Variants in RAET1G observed in about 807,000 individuals in gnomAD.
RAET1G encodes the protein UL-16 binding protein 5.
Under a neutral mutation model 29.5 loss-of-function variants are expected in RAET1G, and 25 were observed. The ratio of observed to expected loss-of-function variants is 0.85; its 90% confidence interval spans 0.62 to 1.18. The LOEUF is 1.18. RAET1G is among the 50% of genes most tolerant of loss of function. The probability of loss-of-function intolerance (pLI) is 0.00; values close to 1 mark genes in which losing one functional copy is unlikely to be tolerated. For synonymous variants in RAET1G, 167 were observed against 159.5 expected (o/e 1.05, Z -0.36); for missense variants, 434 against 423.6 (o/e 1.02, Z -0.22).
At position 149,916,991 on chromosome 6, in the gene RAET1G, A is replaced by G. The variant is rs374005671; in HGVS notation, c.926T>C (p.Leu309Ser). Reference protein sequence around the residue: ...LPIIGDDSHSLPCPLALYTIN... With the variant: ...LPIIGDDSHSSPCPLALYTIN... The stretch of plus-strand genomic sequence containing the variant: ...TGTATACAAGGCAAGAGGGCAGGGT[A>G]AGGAGTGTGAGTCGTCTCCAATGAT... Residue 309 changes from leucine to serine, a missense_variant, in exon 5 of 5, where the codon TTA becomes TCA. Coordinates refer to ENST00000367360, the MANE Select transcript of RAET1G (RefSeq NM_001001788.4). The G allele has an allele frequency of 1.2e-4, 187 of 1,550,740 alleles. No individual in the cohort carries two copies. The highest frequency in any genetic ancestry group is 1.5e-4 in the Non-Finnish European group (171 of 1,146,528).
rs372478223 is a variant in RAET1G at position 149,918,380 on chromosome 6, T to A, written c.636A>T (p.Pro212=). The change falls in exon 4 of 5, where the codon CCA becomes CCT. Residue 212 remains proline (P), a synonymous_variant. Transcript: ENST00000367360. ...GGGCTGTGCCTGAGGACATGGTGGG[T>A]GGTGCTGAAATGGAAGCACAAGAGT... ...DSTLEPSAGA[P]PTMSSGTAQP... 14 of 1,613,914 alleles carry A rather than the reference T, an allele frequency of 8.7e-6. No homozygotes were observed. The African/African-American group carries it at 1.6e-4, about 18-fold the overall frequency.
intron 1 of RAET1G, among the ~76,000 whole-genome samples, chr6:149,920,035 T>C (rs1284132991): frequency 1.3e-5 from 2 of 152,192 alleles, no homozygotes; most frequent in African/African-American, 4.8e-5. Context: ...AGAAACCACA[T>C]GTCCCCAGAC....
rs1360832779 is a variant in RAET1G, at chr6:149,916,905, G to T, written c.*7C>A. 12 of 1,502,416 alleles carry T rather than the reference G, an allele frequency of 8.0e-6. No homozygotes were observed. Among genetic ancestry groups the T allele is most frequent in the Non-Finnish European group, 1.1e-5 (12 of 1,122,888 alleles). 93.1% of individuals were successfully genotyped at this position (1,502,416 alleles called of 1,614,324 possible). ...CGGAAGAAAAGACAGCTGGGCCCAGGGAACCATCAAGATATGGAGACCTGT... is the reference window on the plus strand; with the variant it reads ...CGGAAGAAAAGACAGCTGGGCCCAGTGAACCATCAAGATATGGAGACCTGT... On this transcript the variant is annotated 3_prime_UTR_variant, in exon 5 of 5. Transcript: ENST00000367360.
At chr6:149,922,176 C>T (rs1017115009) in intron 1 of RAET1G, among the ~76,000 whole-genome samples, 1 of 152,224 alleles carries the variant, frequency 6.6e-6, no homozygotes, top group Non-Finnish European at 1.5e-5. Context: ...GGAAATGGTG[C>T]TTCCCATCCC....
chr6:149,918,953 G>T (rs1562479076), intron 3 of RAET1G, 90 bp downstream of exon 3: 2 of 1,579,572 alleles, frequency 1.3e-6, no homozygotes, highest in Non-Finnish European at 1.7e-6. Context: ...CGTGTACACT[G>T]GGATGATTGA....
intron 1 of RAET1G, among the ~76,000 whole-genome samples, chr6:149,920,255 A>C (rs917917981): frequency 1.3e-5 from 2 of 152,160 alleles, no homozygotes; most frequent in African/African-American, 4.8e-5. Flanking sequence ...TTGGATAAAG[A>C]AGAGTTAATT....
rs1215927494 is a variant in RAET1G, at chr6:149,919,314, G to A, written c.360C>T (p.Thr120=). 1.2e-6 allele frequency: 2 copies of A among 1,613,628 alleles called. No homozygotes were observed. The highest frequency in any genetic ancestry group is 1.7e-6 in the Non-Finnish European group (2 of 1,179,720). Residue 120 remains threonine (T), a synonymous_variant, in exon 3 of 5, where the codon ACC becomes ACT. Coordinates refer to ENST00000367360, the MANE Select transcript of RAET1G (RefSeq NM_001001788.4). ...GCTCACAAGACATCCTGGCCTGCAG[G>A]GTGAGGGGTTCTGCCCCCATCAAAG... is the stretch of plus-strand genomic sequence containing the variant. ...LENYIPKEPL[T]LQARMSCEQK...
chr6:149,917,921 G>C (rs974397706), intron 4 of RAET1G, among the ~76,000 whole-genome samples: 26 of 152,160 alleles, frequency 1.7e-4, no homozygotes. Flanking sequence ...ACCCTCTCAA[G>C]CTCAACAGAC....
intron 1 of RAET1G, 49 bp downstream of exon 1, chr6:149,922,877 C>T (rs765049295): frequency 3.7e-6 from 5 of 1,362,294 alleles, no homozygotes; most frequent in Non-Finnish European, 5.1e-6. Context: ...CAGTCCACAG[C>T]CCCCCACGGT....
Position 149,919,561 on chromosome 6 carries a change from A to T in RAET1G, c.341T>A (p.Ile114Lys). Residue 114 changes from isoleucine to lysine, a missense_variant, in exon 2 of 5, where the codon ATA becomes AAA. By Grantham distance (102) the Ile-to-Lys change is moderately radical (BLOSUM62 -3). Transcript: ENST00000367360. The part of the protein sequence containing the change: ...QLLDIQLENY[I>K]PKEPLTLQAR... ...GGCCATCTGAAACTTACCCTTGGGT[A>T]TGTAATTCTCCAGCTGAATGTCAAG... is the stretch of plus-strand genomic sequence containing the variant. 6.2e-7 allele frequency: 1 copy of T among 1,613,930 alleles called. No homozygotes were observed. Among genetic ancestry groups the T allele is most frequent in the South Asian group, 1.1e-5 (1 of 91,064 alleles).
rs902462008 is a variant in RAET1G, at chr6:149,916,920, T to C, written c.997A>G (p.Ile333Val). 10 of 1,528,844 alleles carry C rather than the reference T, an allele frequency of 6.5e-6. No individual in the cohort carries two copies. Among genetic ancestry groups the C allele is most frequent in the Admixed American group, 2.1e-5 (1 of 47,748 alleles). 94.7% of individuals were successfully genotyped at this position (1,528,844 alleles called of 1,614,324 possible). ...ARYSEPLQVS[I>V]S ...CTGGGCCCAGGGAACCATCAAGATATGGAGACCTGTAGTGGCTCCGAATAC... is the reference window on the plus strand; with the variant it reads ...CTGGGCCCAGGGAACCATCAAGATACGGAGACCTGTAGTGGCTCCGAATAC... Residue 333 changes from isoleucine to valine, a missense_variant, in exon 5 of 5, where the codon ATA becomes GTA. Ile to Val is a conservative substitution (Grantham distance 29, BLOSUM62 3). Transcript: ENST00000367360.
At chr6:149,922,392 T>A (rs1778616193) in intron 1 of RAET1G, among the ~76,000 whole-genome samples, 1 of 151,866 alleles carries the variant, frequency 6.6e-6, no homozygotes, top group Non-Finnish European at 1.5e-5. Context: ...GGGTGGGAAG[T>A]GTCTGCTGAG....
In RAET1G at chr6:149,922,956, G is replaced by A; in HGVS notation, c.55C>T (p.Leu19=). The A allele has an allele frequency of 3.7e-6, 6 of 1,604,572 alleles. No individual in the cohort carries two copies. The highest frequency in any genetic ancestry group is 5.1e-6 in the Non-Finnish European group (6 of 1,176,368). Residue 19 remains leucine, a synonymous_variant, in exon 1 of 5, where the codon CTG becomes TTG. Transcript: ENST00000367360. ...AGCCCGGTCCTGCACCAGCTGGACA[G>A]CAGGAGCAGAAGCGGGAGGCGTAGA... ...FLLRLPLLLL[L]SSWCRTGLAD... is the part of the protein sequence containing the mutation.
At position 149,922,933 on chromosome 6, in the gene RAET1G, C is replaced by T. The variant is rs1407874624; in HGVS notation, c.78G>A (p.Gly26=). The change falls in exon 1 of 5, where the codon GGG becomes GGA. Residue 26 remains glycine (G), a synonymous_variant. Coordinates refer to ENST00000367360, the MANE Select transcript of RAET1G (RefSeq NM_001001788.4). ...LLLLSSWCRT[G]LADPHSLCYD... Reference sequence around the variant, plus strand: ...CTCCATCCCCGAACTCACCGGCCAGCCCGGTCCTGCACCAGCTGGACAGCA... The same window carrying T: ...CTCCATCCCCGAACTCACCGGCCAGTCCGGTCCTGCACCAGCTGGACAGCA... 6.3e-7 allele frequency: 1 copy of T among 1,593,100 alleles called. No individual in the cohort carries two copies. Among genetic ancestry groups the T allele is most frequent in the Non-Finnish European group, 8.5e-7 (1 of 1,170,628 alleles).
At chr6:149,922,600 G>C (rs894936060) in intron 1 of RAET1G, among the ~76,000 whole-genome samples, 13 of 152,106 alleles carry the variant, frequency 8.5e-5, no homozygotes, top group African/African-American at 3.1e-4. Flanking sequence ...GATTCTGGGG[G>C]CTCTGGTTTC....
chr6:149,922,809 G>C (rs1778624273), intron 1 of RAET1G, 117 bp downstream of exon 1: 1 of 657,798 alleles, frequency 1.5e-6, no homozygotes, highest in South Asian at 2.1e-5. Flanking sequence ...CTGAGCGGGG[G>C]CGCAGTCCGG....
chr6:149,919,649 T>C lies in RAET1G; in HGVS notation c.253A>G (p.Thr85Ala). Reference protein sequence around the residue: ...SPLGKKLNVTTAWKAQNPVLR... With the variant: ...SPLGKKLNVTAAWKAQNPVLR... Reference sequence around the variant, plus strand: ...ACTGGGTTCTGTGCTTTCCAGGCCGTTGTGACATTTAGTTTCTTCCCCAGG... The same window carrying C: ...ACTGGGTTCTGTGCTTTCCAGGCCGCTGTGACATTTAGTTTCTTCCCCAGG... Residue 85 changes from threonine to alanine, a missense_variant, in exon 2 of 5, where the codon ACG (threonine) becomes GCG (alanine). Transcript: ENST00000367360. The C allele has an allele frequency of 6.2e-7, 1 of 1,613,978 alleles. No homozygotes were observed.
At position 149,919,802 on chromosome 6, in the gene RAET1G, A is replaced by G; in HGVS notation, c.100T>C (p.Cys34Arg). 2 of 1,612,084 alleles carry G rather than the reference A, an allele frequency of 1.2e-6. No individual in the cohort carries two copies. The highest frequency in any genetic ancestry group is 2.2e-5 in the South Asian group (2 of 90,992). Residue 34 changes from cysteine (C) to arginine (R), a missense_variant, in exon 2 of 5, where the codon TGC (cysteine) becomes CGC (arginine). Transcript: ENST00000367360. ...TTAGGGATGACGGTGATGTCATAGC[A>G]AAGAGAGTGAGGGTCTGTGGAGAAA... Reference protein sequence around the residue: ...RTGLADPHSLCYDITVIPKFR... With the variant: ...RTGLADPHSLRYDITVIPKFR...
Position 149,918,301 on chromosome 6 carries a change from G to A in RAET1G, c.715C>T (p.Leu239Phe). 6.2e-7 allele frequency: 1 copy of A among 1,614,146 alleles called. No homozygotes were observed. The highest frequency in any genetic ancestry group is 1.1e-5 in the South Asian group (1 of 91,076). Reference sequence around the variant, plus strand: ...AGACTGTGCCTGGAGCATATGAGGAGACACATGATGAGGAGGCAGCAAAGG... The same window carrying A: ...AGACTGTGCCTGGAGCATATGAGGAAACACATGATGAGGAGGCAGCAAAGG... The part of the protein sequence containing the change: ...LILCCLLIMC[L>F]LICSRHSLTQ... The change falls in exon 4 of 5, where the codon CTC (leucine) becomes TTC (phenylalanine). Residue 239 changes from leucine (L) to phenylalanine (F), a missense_variant. Transcript: ENST00000367360.
Sources: gnomAD v4.1 joint callset for allele counts (sites outside exome capture counted in the v4.1 genomes callset) on GRCh38, gnomAD v4.1.1 for gene constraint, MANE v1.5 for transcripts, NCBI Gene and HGNC (gene_info 2026-07-23, HGNC 2026-07-21) for gene names.